Variants in MUC6 observed in about 807,000 individuals in gnomAD.
The protein encoded by MUC6 is mucin-6.
In MUC6, 188 loss-of-function variants were observed where a neutral mutation model predicts 201.5. The observed-to-expected ratio is 0.93, with a 90% CI of 0.83 to 1.05. The LOEUF is 1.05. Among genes scored for constraint, MUC6 ranks in the 50% least tolerant of loss-of-function variants. MUC6 has a pLI of 0.00. For missense variants in MUC6, 2,706 were observed against 3,256.9 expected (o/e 0.83, Z 4.12); for synonymous variants, 1,228 against 1,389.4 (o/e 0.88, Z 2.58).
At chr11:1,030,438 G>T in intron 7 of MUC6, 103 bp from the exon 8 acceptor site, 1 of 1,286,280 alleles carries the variant, frequency 7.8e-7, no homozygotes, top group South Asian at 1.4e-5. Context: ...CCTCCATCTA[G>T]AAGCAGCAGC....
intron 13 of MUC6, 92 bp from the exon 14 acceptor site, chr11:1,028,479 A>G (rs974964640): frequency 3.5e-5 from 54 of 1,551,030 alleles, no homozygotes; most frequent in Non-Finnish European, 4.6e-5. Context: ...TTCCTCTAAC[A>G]GCACCCTGGG....
At position 1,016,653 on chromosome 11, in the gene MUC6, T is replaced by G; in HGVS notation, c.6148A>C (p.Thr2050Pro). ...GTGGACCCTGTGGCCTTGAGCGTTG[T>G]TGGTGGAGGAACGGTGCCTGTTGGC... ...STPTGTVPPPTTLKATGSTHT... is the reference protein window; with the variant it reads ...STPTGTVPPPPTLKATGSTHT... Residue 2050 changes from threonine to proline, a missense_variant, in exon 31 of 33, where the codon ACA becomes CCA. This residue lies in a region of MUC6 where 20 missense variants were observed against 43.3 expected (regional missense o/e 0.46). Coordinates refer to ENST00000421673, the MANE Select transcript of MUC6 (RefSeq NM_005961.3). 4 of 1,614,146 alleles carry G rather than the reference T, an allele frequency of 2.5e-6. No homozygotes were observed. In the African/African-American group the frequency reaches 4.0e-5, roughly 16 times the overall value.
intron 16 of MUC6, 53 bp from the exon 17 acceptor site, chr11:1,027,570 A>G: frequency 1.9e-6 from 3 of 1,603,460 alleles, no homozygotes; most frequent in Admixed American, 3.4e-5. Flanking sequence ...CGGGAGGGCA[A>G]TCTCGGGTTC....
chr11:1,024,724 G>A (rs1856908955), intron 24 of MUC6, 120 bp downstream of exon 24: 5 of 1,442,952 alleles, frequency 3.5e-6, no homozygotes, highest in African/African-American at 1.4e-5. Context: ...TCTGCACCCT[G>A]ACCTGGCTGG....
At chr11:1,015,720 C>G in intron 31 of MUC6, 42 bp downstream of exon 31, 1 of 1,511,720 alleles carries the variant, frequency 6.6e-7, no homozygotes, top group Non-Finnish European at 8.8e-7. Flanking sequence ...GTCATGAGCA[C>G]AGAGGTGAGG....
chr11:1,029,697 C>G, intron 8 of MUC6, 82 bp from the exon 9 acceptor site: 28 of 1,479,922 alleles, frequency 1.9e-5, no homozygotes, highest in Non-Finnish European at 2.5e-5. Context: ...GAGACGCCCC[C>G]TCCAGCCTGG....
Position 1,020,684 on chromosome 11 carries a change from C to T in MUC6, c.3640G>A (p.Gly1214Ser). The part of the protein sequence containing the change: ...PPTTPQLPTT[G>S]SRPTQVWPMT... ...TGGCACCTAGTGTGCGTGCAATTAC[C>T]TGTGGTGGGCAGCTGCGGCGTGGTG... The change falls in exon 28 of 33, where the codon GGC becomes AGC. Residue 1214 changes from glycine (G) to serine (S), a missense_variant and splice_region_variant. By Grantham distance (56) the Gly-to-Ser change is moderately conservative. Transcript: ENST00000421673. 1 of 1,613,580 alleles carries T rather than the reference C, an allele frequency of 6.2e-7. No individual in the cohort carries two copies. Among genetic ancestry groups the T allele is most frequent in the Non-Finnish European group, 8.5e-7 (1 of 1,179,738 alleles).
chr11:1,028,494 A>G, intron 13 of MUC6, 107 bp from the exon 14 acceptor site: 1 of 1,538,114 alleles, frequency 6.5e-7, no homozygotes, highest in Admixed American at 1.9e-5. Context: ...CCTGGGTGAG[A>G]GGCTGCGTGG....
chr11:1,025,720 G>T, intron 22 of MUC6, 85 bp downstream of exon 22: 1 of 1,284,718 alleles, frequency 7.8e-7, no homozygotes, highest in African/African-American at 1.5e-5. Flanking sequence ...GGCAGGACCT[G>T]GAGGCTCCAG....
chr11:1,016,259 G>T lies in MUC6; in HGVS notation c.6542C>A (p.Ser2181Tyr), dbSNP rs747725538. Residue 2181 changes from serine to tyrosine, a missense_variant, in exon 31 of 33, where the codon TCC becomes TAC. Transcript: ENST00000421673. ...HSTTLSSGSH[S>Y]SLSTHPTTAS... ...AGTCGTGGGATGAGTGGACAATGAG[G>T]AGTGTGACCCCGAGCTCAGGGTTGT... 4 of 1,613,260 alleles carry T rather than the reference G, an allele frequency of 2.5e-6. No individual in the cohort carries two copies. The South Asian group carries it at 3.3e-5, about 13-fold the overall frequency.
chr11:1,018,338 G>T lies in MUC6; in HGVS notation c.4463C>A (p.Thr1488Lys), dbSNP rs1355467302. ...GGTGGACCCTGTGGCCTTGAGCGTTGTTGGTGGAGGAATGGTACCTGTTGG... is the reference window on the plus strand; with the variant it reads ...GGTGGACCCTGTGGCCTTGAGCGTTTTTGGTGGAGGAATGGTACCTGTTGG... ...SAPTGTIPPP[T>K]TLKATGSTHT... The change falls in exon 31 of 33, where the codon ACA (threonine) becomes AAA (lysine). Residue 1488 changes from threonine (T) to lysine (K), a missense_variant. Coordinates refer to ENST00000421673, the MANE Select transcript of MUC6 (RefSeq NM_005961.3). The T allele has an allele frequency of 6.2e-7, 1 of 1,613,934 alleles. No homozygotes were observed.
In MUC6 at chr11:1,016,590, T is replaced by C; in HGVS notation, c.6211A>G (p.Thr2071Ala). The C allele has an allele frequency of 1.9e-6, 3 of 1,613,680 alleles. No homozygotes were observed. The highest frequency in any genetic ancestry group is 2.5e-6 in the Non-Finnish European group (3 of 1,179,586). ...APPMTVTTSG[T>A]SQTHSSFSTA... is the part of the protein sequence containing the mutation. ...CTGAATGAGCTGTGGGTTTGGCTGG[T>C]CCCACTGGTGGTCACTGTCATTGGT... The change falls in exon 31 of 33, where the codon ACC becomes GCC. Residue 2071 changes from threonine to alanine, a missense_variant. Transcript: ENST00000421673.
chr11:1,033,158 G>A lies in MUC6; in HGVS notation c.53-83C>T, dbSNP rs752699447. The A allele has an allele frequency of 1.3e-5, 18 of 1,375,902 alleles. No individual in the cohort carries two copies. Among genetic ancestry groups the A allele is most frequent in the Middle Eastern group, 1.8e-4 (1 of 5,588 alleles). The allele number at this position is 1,375,902 out of a possible 1,614,324, so 85.2% of individuals were successfully genotyped here. On this transcript the variant is annotated intron_variant, in intron 1 of 32. Transcript: ENST00000421673. This position sits in a 1 kb window ranked among gnomAD's most constrained non-coding sequence, Gnocchi z 5.6. Reference sequence around the variant, plus strand: ...GCTCACCTCTGCTCAGGGCTGCTCCGCCCGTTTCCCTGCACACACTCGGCG... The same window carrying A: ...GCTCACCTCTGCTCAGGGCTGCTCCACCCGTTTCCCTGCACACACTCGGCG...
chr11:1,029,452 A>G, intron 9 of MUC6, 43 bp downstream of exon 9: 1 of 1,607,126 alleles, frequency 6.2e-7, no homozygotes, highest in Non-Finnish European at 8.5e-7. Context: ...GGCCAGTGGA[A>G]CCCCTGCCGG....
chr11:1,026,471 G>C lies in MUC6; in HGVS notation c.2402C>G (p.Thr801Ser), dbSNP rs200554557. 2 of 1,591,952 alleles carry C rather than the reference G, an allele frequency of 1.3e-6. No homozygotes were observed. The change falls in exon 20 of 33, where the codon ACC becomes AGC. Residue 801 changes from threonine to serine, a missense_variant. Physicochemically the swap from Thr to Ser is moderately conservative, Grantham distance 58. This residue lies in a region of MUC6 where 1,850 missense variants were observed against 1,958.3 expected (regional missense o/e 0.94). Coordinates refer to ENST00000421673, the MANE Select transcript of MUC6 (RefSeq NM_005961.3). ...GCAGACACAGCCAGGCTCACACTTG[G>C]TGGGCACCTGGAGGGAGGCAGGTCA... ...MLATGVACVP[T>S]KCEPGCVCAE...
At position 1,016,068 on chromosome 11, in the gene MUC6, T is replaced by G. The variant is rs1452289511; in HGVS notation, c.6733A>C (p.Thr2245Pro). ...CTGGGCGTGGACGGAAATGCAATGG[T>G]GCTGGAGGCTAGGTGGCTGGATGGG... ...PTPSSHLASS[T>P]IAFPSTPRTT... is the part of the protein sequence containing the mutation. The change falls in exon 31 of 33, where the codon ACC becomes CCC. Residue 2245 changes from threonine to proline, a missense_variant. Around this residue, in one of 10 missense-constraint regions of MUC6, gnomAD observed 586 missense variants for 488.0 expected, o/e 1.20. Coordinates refer to ENST00000421673, the MANE Select transcript of MUC6 (RefSeq NM_005961.3). 6.2e-7 allele frequency: 1 copy of G among 1,612,656 alleles called. No homozygotes were observed. The highest frequency in any genetic ancestry group is 1.3e-5 in the African/African-American group (1 of 74,812).
Position 1,025,052 on chromosome 11 carries a change from T to A in MUC6, c.3017A>T (p.Asn1006Ile). ...DPLCGLCGNF[N>I]GNMKDDFETR... ...CTCGAAGTCGTCCTTCATGTTCCCGTTGAAGTTGCCACACAAGCCGCAGAG... is the reference window on the plus strand; with the variant it reads ...CTCGAAGTCGTCCTTCATGTTCCCGATGAAGTTGCCACACAAGCCGCAGAG... Residue 1006 changes from asparagine to isoleucine, a missense_variant, in exon 24 of 33, where the codon AAC becomes ATC. Asn to Ile is a moderately radical substitution (Grantham distance 149). This residue lies in a region of MUC6 where 1,850 missense variants were observed against 1,958.3 expected (regional missense o/e 0.94). Transcript: ENST00000421673. 1 of 1,612,896 alleles carries A rather than the reference T, an allele frequency of 6.2e-7. No homozygotes were observed. Among genetic ancestry groups the A allele is most frequent in the Non-Finnish European group, 8.5e-7 (1 of 1,179,822 alleles).
At position 1,020,208 on chromosome 11, in the gene MUC6, G is replaced by A. The variant is rs28497432; in HGVS notation, c.3690C>T (p.Ile1230=). 5,866 of 1,611,288 alleles carry A rather than the reference G, an allele frequency of 3.6e-3. 210 individuals are homozygous for A. In the African/African-American group the frequency reaches 0.068, roughly 19 times the overall value. ...VWPMTGTSTT[I]GLLSSTGPSP... ...AGGGTCCGGTGGAGCTGAGAAGCCC[G>A]ATGGTGGTGGAGGTTCCCGTCATGG... is the stretch of plus-strand genomic sequence containing the variant. Residue 1230 remains isoleucine (I), a synonymous_variant, in exon 29 of 33, where the codon ATC becomes ATT. Coordinates refer to ENST00000421673, the MANE Select transcript of MUC6 (RefSeq NM_005961.3).
At position 1,036,678 on chromosome 11, in the gene MUC6, G is replaced by A. The variant is rs1399232151; in HGVS notation, c.-23C>T. 3.3e-5 allele frequency: 51 copies of A among 1,544,192 alleles called. No individual in the cohort carries two copies. Among genetic ancestry groups the A allele is most frequent in the East Asian group, 7.3e-5 (3 of 40,882 alleles). On this transcript the variant is annotated 5_prime_UTR_variant, in exon 1 of 33. An upstream open reading frame in the 5' UTR gains an earlier in-frame stop. Coordinates refer to ENST00000421673, the MANE Select transcript of MUC6 (RefSeq NM_005961.3). ...CATGGTGCACAGTGGAGAGGAGCTC[G>A]CGCTGGGCCCGGCAGGCCTGCTGCT...
Sources: gnomAD v4.1 joint callset for allele counts on GRCh38, gnomAD v4.1.1 for gene constraint, gnomAD v4.1.1 regional missense constraint, Gnocchi (gnomAD v3.1) non-coding constraint, MANE v1.5 for transcripts, NCBI Gene and HGNC (gene_info 2026-07-23, HGNC 2026-07-21) for gene names.